Variants in SFI1 observed in about 807,000 individuals in gnomAD.
The protein encoded by SFI1 is protein SFI1 homolog.
Under a neutral mutation model 207.5 loss-of-function variants are expected in SFI1, and 195 were observed. The observed-to-expected ratio is 0.94, with a 90% CI of 0.84 to 1.06. The LOEUF (loss-of-function observed/expected upper bound fraction) is 1.06, where lower values mean the gene tolerates loss of function less well. SFI1 is among the 50% of genes least tolerant of loss of function. The pLI is 0.00. For missense variants in SFI1, 1,634 were observed against 1,588.0 expected, an observed-to-expected ratio of 1.03 and a Z score of -0.49; for synonymous variants, 630 against 598.9, an observed-to-expected ratio of 1.05 and a Z score of -0.76.
chr22:31,613,921 G>A lies in SFI1; in HGVS notation c.2996+66G>A. On this transcript the variant is annotated intron_variant, in intron 27 of 32. Transcript: ENST00000400288. ...GGCAAAAGGTTGGATGGCATAGCAG[G>A]GAGGAAAACAGCCCTGACGGGATGG... The A allele has an allele frequency of 1.0e-5, 15 of 1,504,310 alleles. 1 individual carries two copies. The South Asian group carries it at 2.0e-4, about 20-fold the overall frequency. The allele number at this position is 1,504,310 out of a possible 1,614,324, so 93.2% of individuals were successfully genotyped here. A position where few individuals can be genotyped will look rare whatever the true frequency, so the allele number is the denominator to read the frequency against.
At chr22:31,498,976 G>A (rs1216490752) in intron 1 of SFI1, among the ~76,000 whole-genome samples, 2 of 151,112 alleles carry the variant, frequency 1.3e-5, no homozygotes, top group African/African-American at 2.4e-5. Context: ...CAAAGTGCTG[G>A]GATTACAGAC....
chr22:31,553,704 A>G (rs904293737), intron 6 of SFI1, among the ~76,000 whole-genome samples: 1 of 150,124 alleles, frequency 6.7e-6, no homozygotes, highest in Non-Finnish European at 1.5e-5. Context: ...TGTTATAAGC[A>G]TTTTGTCAAA....
intron 2 of SFI1, among the ~76,000 whole-genome samples, chr22:31,522,442 CT>C (rs2057390820): frequency 6.6e-6 from 1 of 152,156 alleles, no homozygotes; most frequent in African/African-American, 2.4e-5. Context: ...ATACCCAAAA[CT>C]TTTCATCATC....
At chr22:31,608,479 G>A (rs2069463304) in intron 22 of SFI1, among the ~76,000 whole-genome samples, 3 of 152,122 alleles carry the variant, frequency 2.0e-5, no homozygotes, top group South Asian at 2.1e-4. Flanking sequence ...TCTGCAGTGA[G>A]CCTAGTGCCA....
rs372521212 is a variant in SFI1 at position 31,613,431 on chromosome 22, C to T, written c.2643C>T (p.Tyr881=). ...KARLQWALQA[Y]QGQLLQEGAT... Reference sequence around the variant, plus strand: ...GGCTGCAGTGGGCGCTCCAGGCCTACCAGGGGCAGCTCCTCCAGGAGGGTG... The same window carrying T: ...GGCTGCAGTGGGCGCTCCAGGCCTATCAGGGGCAGCTCCTCCAGGAGGGTG... The change falls in exon 26 of 33, where the codon TAC becomes TAT. Residue 881 remains tyrosine, a synonymous_variant. Transcript: ENST00000400288. 2.3e-5 allele frequency: 37 copies of T among 1,609,260 alleles called. No homozygotes were observed. The highest frequency in any genetic ancestry group is 8.5e-7 in the Non-Finnish European group (1 of 1,179,766).
chr22:31,581,324 C>T (rs1272364251), intron 12 of SFI1, among the ~76,000 whole-genome samples: 1 of 150,988 alleles, frequency 6.6e-6, no homozygotes, highest in African/African-American at 2.4e-5. Flanking sequence ...GCTCTGTTGC[C>T]CAGGCTGGTG....
chr22:31,597,643 C>G (rs1277626014), intron 15 of SFI1, among the ~76,000 whole-genome samples: 1 of 152,196 alleles, frequency 6.6e-6, no homozygotes, highest in Non-Finnish European at 1.5e-5. Flanking sequence ...AAGGGCCTAG[C>G]ATAAAAATAT....
At chr22:31,530,904 C>T in intron 3 of SFI1, 154 bp from the exon 4 acceptor site, 1 of 620,726 alleles carries the variant, frequency 1.6e-6, no homozygotes, top group Admixed American at 2.9e-5. Context: ...ATCCTATGCC[C>T]TGTATGATGC....
chr22:31,553,367 GT>G (rs920596695), intron 6 of SFI1, among the ~76,000 whole-genome samples: 1 of 150,448 alleles, frequency 6.6e-6, no homozygotes, highest in Non-Finnish European at 1.5e-5. Flanking sequence ...GGTTGGTTTG[GT>G]TTTTTTTGAC....
chr22:31,618,060 A>G, intron 31 of SFI1, 55 bp from the exon 32 acceptor site: 2 of 1,523,644 alleles, frequency 1.3e-6, no homozygotes, highest in Non-Finnish European at 1.8e-6. Flanking sequence ...CCTGAGCCGG[A>G]TGGGGCTCTG....
chr22:31,585,314 G>A (rs1267803694), intron 14 of SFI1, among the ~76,000 whole-genome samples, 180 bp downstream of exon 14: 1 of 152,176 alleles, frequency 6.6e-6, no homozygotes. Context: ...CAGAAAGTCT[G>A]CATAACTCCC....
chr22:31,535,055 C>T (rs916426052), intron 4 of SFI1, among the ~76,000 whole-genome samples: 29 of 151,912 alleles, frequency 1.9e-4, no homozygotes, highest in African/African-American at 6.5e-4. Flanking sequence ...TTAGTAGAGA[C>T]AGGGTTTCAC....
intron 14 of SFI1, among the ~76,000 whole-genome samples, chr22:31,585,550 A>C (rs1376511071): frequency 6.6e-6 from 1 of 152,236 alleles, no homozygotes; most frequent in Non-Finnish European, 1.5e-5. Flanking sequence ...GGTCAGGACC[A>C]CAAATAAGTA....
rs139805014 is a variant in SFI1, at chr22:31,548,112, C to T, written c.449+1141C>T. Among the ~76,000 whole-genome samples, 955 of 151,606 alleles carry T rather than the reference C, an allele frequency of 6.3e-3. 6 individuals carry two copies. The highest frequency in any genetic ancestry group is 8.8e-3 in the Non-Finnish European group (599 of 67,852). Reference sequence around the variant, plus strand: ...GCAGGCGCCTGTAGTTCCAGCTACTCGGGAGGCTGAGGCAGGAGAATGGCG... The same window carrying T: ...GCAGGCGCCTGTAGTTCCAGCTACTTGGGAGGCTGAGGCAGGAGAATGGCG... On this transcript the variant is annotated intron_variant, in intron 5 of 32. Transcript: ENST00000400288.
chr22:31,521,781 T>A (rs1157288851), intron 2 of SFI1, among the ~76,000 whole-genome samples: 1 of 152,050 alleles, frequency 6.6e-6, no homozygotes, highest in Non-Finnish European at 1.5e-5. Context: ...TTTCTTTTTT[T>A]TTGAGACAGT....
At chr22:31,573,832 C>A (rs1337648034) in intron 9 of SFI1, among the ~76,000 whole-genome samples, 1 of 152,100 alleles carries the variant, frequency 6.6e-6, no homozygotes, top group East Asian at 1.9e-4. Flanking sequence ...GGTTTTGTAT[C>A]TTCCTTTTTT....
intron 9 of SFI1, among the ~76,000 whole-genome samples, chr22:31,573,907 CTA>C (rs1448524982): frequency 6.6e-6 from 1 of 152,122 alleles, no homozygotes; most frequent in Non-Finnish European, 1.5e-5. Flanking sequence ...TTTTTAACAA[CTA>C]TTCATATTTT....
chr22:31,610,321 A>G (rs1442691366), intron 22 of SFI1, among the ~76,000 whole-genome samples: 2 of 152,190 alleles, frequency 1.3e-5, no homozygotes, highest in Non-Finnish European at 2.9e-5. Flanking sequence ...AGATGGGGAT[A>G]ACAGTGCCTA....
chr22:31,556,929 T>C lies in SFI1; in HGVS notation c.545-13T>C. On this transcript the variant is annotated splice_polypyrimidine_tract_variant and intron_variant, in intron 6 of 32. Coordinates refer to ENST00000400288, the MANE Select transcript of SFI1 (RefSeq NM_001007467.3). The stretch of plus-strand genomic sequence containing the variant: ...TCCCCATGCCTTTTGAAAAATCTCT[T>C]TGGTGAATCTAGATGCAAAGCAAAA... 6.4e-7 allele frequency: 1 copy of C among 1,572,800 alleles called. No individual in the cohort carries two copies. Among genetic ancestry groups the C allele is most frequent in the Non-Finnish European group, 8.7e-7 (1 of 1,152,942 alleles).
Sources: allele counts gnomAD v4.1 joint callset (sites outside exome capture counted in the v4.1 genomes callset), GRCh38; gene constraint gnomAD v4.1.1; transcripts MANE v1.5; gene names NCBI Gene and HGNC (gene_info 2026-07-23, HGNC 2026-07-21).